CAPZB: variants seen among roughly 807,000 people sequenced by gnomAD.
CAPZB encodes the protein F-actin-capping protein subunit beta.
A neutral mutation model predicts 38.1 loss-of-function variants in CAPZB; 2 were observed. That is an observed-to-expected ratio of 0.05 (90% CI 0.02 to 0.17). The LOEUF (loss-of-function observed/expected upper bound fraction) is 0.17. CAPZB is among the 10% of genes least tolerant of loss of function. The pLI is 1.00. For missense variants in CAPZB, 161 were observed against 334.2 expected, an observed-to-expected ratio of 0.48 and a Z score of 4.04; for synonymous variants, 107 against 127.4, an observed-to-expected ratio of 0.84 and a Z score of 1.08.
intron 6 of CAPZB, among the ~76,000 whole-genome samples, chr1:19,355,924 G>C (rs1019987190): frequency 6.6e-6 from 1 of 152,116 alleles, no homozygotes; most frequent in Non-Finnish European, 1.5e-5. Flanking sequence ...GAGCATCTAA[G>C]GTAGAAGGGC....
intron 1 of CAPZB, among the ~76,000 whole-genome samples, chr1:19,453,072 T>C (rs1158879242): frequency 1.3e-5 from 2 of 151,606 alleles, no homozygotes; most frequent in African/African-American, 4.9e-5. Context: ...CCCAAAGCAC[T>C]GGGATTAGAG....
chr1:19,344,003 A>G lies in CAPZB; in HGVS notation c.731+355T>C, dbSNP rs531469217. ...AGCCAGAGGCAGCCGGGCTGCCCGG[A>G]ATGTGGTGTCATGGCTCCCCTAGGC... On this transcript the variant is annotated intron_variant, in intron 8 of 8. Transcript: ENST00000264202. Among the ~76,000 whole-genome samples, 58 of 152,164 alleles carry G rather than the reference A, an allele frequency of 3.8e-4. No individual in the cohort carries two copies. The East Asian group carries it at 9.5e-3, about 25-fold the overall frequency.
At chr1:19,430,450 C>T (rs1452641825) in intron 1 of CAPZB, among the ~76,000 whole-genome samples, 2 of 152,194 alleles carry the variant, frequency 1.3e-5, no homozygotes, top group Non-Finnish European at 2.9e-5. Context: ...GAACACAGAA[C>T]AGTTCCTTTG....
At chr1:19,441,042 AGAGT>A in intron 1 of CAPZB, among the ~76,000 whole-genome samples, 1 of 152,366 alleles carries the variant, frequency 6.6e-6, no homozygotes, top group African/African-American at 2.4e-5. Flanking sequence ...CCTGGGCGAC[AGAGT>A]GAGACTCCAT....
At chr1:19,369,611 C>G (rs1212875862) in intron 4 of CAPZB, among the ~76,000 whole-genome samples, 1 of 152,226 alleles carries the variant, frequency 6.6e-6, no homozygotes. Context: ...CAGAGACGGC[C>G]TGGCTCCACC....
At chr1:19,451,460 T>C (rs947554780) in intron 1 of CAPZB, among the ~76,000 whole-genome samples, 3 of 152,080 alleles carry the variant, frequency 2.0e-5, no homozygotes, top group African/African-American at 7.2e-5. Flanking sequence ...CCCACCGGCA[T>C]GTGGTAGAAG....
At chr1:19,389,678 G>A (rs547841677) in intron 2 of CAPZB, among the ~76,000 whole-genome samples, 17 of 152,142 alleles carry the variant, frequency 1.1e-4, no homozygotes, top group South Asian at 2.1e-4. Flanking sequence ...CACCCACCTC[G>A]GCCACCCAAA....
At chr1:19,473,998 A>G (rs1052091696) in intron 1 of CAPZB, among the ~76,000 whole-genome samples, 4 of 151,580 alleles carry the variant, frequency 2.6e-5, no homozygotes, top group African/African-American at 9.7e-5. Flanking sequence ...TTTTATGTAC[A>G]TTCTTTTTTT....
chr1:19,344,224 A>G (rs956148655), intron 8 of CAPZB, 134 bp downstream of exon 8: 1 of 688,298 alleles, frequency 1.5e-6, no homozygotes, highest in East Asian at 2.6e-5. Flanking sequence ...CAACATAATG[A>G]TCATCCCAGA....
intron 1 of CAPZB, among the ~76,000 whole-genome samples, chr1:19,476,686 G>T (rs534473941): frequency 6.6e-6 from 1 of 152,232 alleles, no homozygotes; most frequent in Non-Finnish European, 1.5e-5. Context: ...AGTGGCCGAC[G>T]CTAGGCTAAG....
chr1:19,434,238 T>C (rs558058175), intron 1 of CAPZB, among the ~76,000 whole-genome samples: 1 of 152,174 alleles, frequency 6.6e-6, no homozygotes. Flanking sequence ...AAGCCCATAC[T>C]CGCCATTTCC....
chr1:19,402,006 C>T (rs2094305696), intron 2 of CAPZB, among the ~76,000 whole-genome samples: 1 of 152,168 alleles, frequency 6.6e-6, no homozygotes, highest in South Asian at 2.1e-4. Context: ...TTTGAGGATA[C>T]CCTATGCCCC....
intron 1 of CAPZB, among the ~76,000 whole-genome samples, chr1:19,464,608 A>G (rs1427454152): frequency 6.6e-6 from 1 of 152,156 alleles, no homozygotes; most frequent in Non-Finnish European, 1.5e-5. Context: ...GTGAAGATTT[A>G]TAACAGATTT....
At chr1:19,460,881 T>C (rs1228662802) in intron 1 of CAPZB, among the ~76,000 whole-genome samples, 1 of 152,016 alleles carries the variant, frequency 6.6e-6, no homozygotes, top group Non-Finnish European at 1.5e-5. Context: ...TGCATAAGCA[T>C]ATAATTTGAA....
chr1:19,397,563 G>A (rs1389258171), intron 2 of CAPZB, among the ~76,000 whole-genome samples: 1 of 152,236 alleles, frequency 6.6e-6, no homozygotes, highest in East Asian at 1.9e-4. Flanking sequence ...TGGTGGCAGA[G>A]AGAAGTACTT....
At chr1:19,456,024 G>C (rs2094532031) in intron 1 of CAPZB, among the ~76,000 whole-genome samples, 1 of 152,202 alleles carries the variant, frequency 6.6e-6, no homozygotes, top group Non-Finnish European at 1.5e-5. Context: ...CGGTTCTCCT[G>C]CCTCAGCCTC....
chr1:19,419,340 C>T (rs563861815), intron 2 of CAPZB, among the ~76,000 whole-genome samples: 2 of 152,268 alleles, frequency 1.3e-5, no homozygotes, highest in East Asian at 3.9e-4. Context: ...TGAATGCCTG[C>T]GGGATGGGTA....
intron 1 of CAPZB, among the ~76,000 whole-genome samples, chr1:19,436,608 G>A (rs2094458877): frequency 6.6e-6 from 1 of 152,154 alleles, no homozygotes; most frequent in African/African-American, 2.4e-5. Flanking sequence ...AAAGCATATA[G>A]GGTTCGATAT....
At chr1:19,470,287 C>A (rs2094582711) in intron 1 of CAPZB, among the ~76,000 whole-genome samples, 1 of 152,190 alleles carries the variant, frequency 6.6e-6, no homozygotes, top group Admixed American at 6.5e-5. Flanking sequence ...TGTTGGACAA[C>A]CACTTTCTCC....
Sources: gnomAD v4.1 joint callset for allele counts (sites outside exome capture counted in the v4.1 genomes callset) on GRCh38, gnomAD v4.1.1 for gene constraint, MANE v1.5 for transcripts, NCBI Gene and HGNC (gene_info 2026-07-23, HGNC 2026-07-21) for gene names.